Variants in HNRNPR observed in about 807,000 individuals in gnomAD.
HNRNPR encodes heterogeneous nuclear ribonucleoprotein R.
A neutral mutation model predicts 70.3 loss-of-function variants in HNRNPR; 4 were observed. The observed-to-expected ratio is 0.06, with a 90% CI of 0.03 to 0.13. The LOEUF is 0.13. Ranked by LOEUF, HNRNPR falls within the 10% of genes least tolerant of loss-of-function variation. HNRNPR has a pLI of 1.00. For missense variants in HNRNPR, 423 were observed against 788.5 expected, an observed-to-expected ratio of 0.54 and a Z score of 5.55; for synonymous variants, 241 against 267.6, an observed-to-expected ratio of 0.90 and a Z score of 0.97.
rs1210644137 is a variant in HNRNPR at position 23,308,138 on chromosome 1, T to C, written c.*2316A>G. 1 of 152,050 alleles carries C rather than the reference T, an allele frequency of 6.6e-6. No individual in the cohort carries two copies. Among genetic ancestry groups the C allele is most frequent in the Non-Finnish European group, 1.5e-5 (1 of 67,908 alleles). 9.4% of individuals were successfully genotyped at this position (152,050 alleles called of 1,614,324 possible). On this transcript the variant is annotated 3_prime_UTR_variant, in exon 11 of 11. Coordinates refer to ENST00000302271, the MANE Select transcript of HNRNPR (RefSeq NM_005826.5). ...CAATTTAAAATAGCCACAAAACCTATAAACCAAATATTAGAGGGTACCTCT... is the reference window on the plus strand; with the variant it reads ...CAATTTAAAATAGCCACAAAACCTACAAACCAAATATTAGAGGGTACCTCT...
At chr1:23,329,898 TA>T (rs548064686) in intron 5 of HNRNPR, among the ~76,000 whole-genome samples, 66 of 152,200 alleles carry the variant, frequency 4.3e-4, no homozygotes, top group Non-Finnish European at 3.8e-4. Context: ...CCTGAAATGC[TA>T]GGATTACAAG....
chr1:23,337,869 A>C lies in HNRNPR; in HGVS notation c.277-8T>G, dbSNP rs1357799201. On this transcript the variant is annotated splice_polypyrimidine_tract_variant and splice_region_variant and intron_variant, in intron 3 of 10. Coordinates refer to ENST00000302271, the MANE Select transcript of HNRNPR (RefSeq NM_005826.5). Reference sequence around the variant, plus strand: ...TAAAAATGCACTTTTGTTCTAGAACAGACAAGTAATTCAATAAAAAGAATC... The same window carrying C: ...TAAAAATGCACTTTTGTTCTAGAACCGACAAGTAATTCAATAAAAAGAATC... 1 of 1,520,020 alleles carries C rather than the reference A, an allele frequency of 6.6e-7. No individual in the cohort carries two copies. Among genetic ancestry groups the C allele is most frequent in the East Asian group, 2.3e-5 (1 of 44,232 alleles). 94.2% of individuals were successfully genotyped at this position (1,520,020 alleles called of 1,614,324 possible).
intron 5 of HNRNPR, among the ~76,000 whole-genome samples, chr1:23,329,388 T>C (rs1646127332): frequency 6.6e-6 from 1 of 152,238 alleles, no homozygotes; most frequent in African/African-American, 2.4e-5. Context: ...ATAGGAATAC[T>C]TTCCTTTTAT....
intron 8 of HNRNPR, among the ~76,000 whole-genome samples, chr1:23,317,454 T>C (rs1304726043): frequency 6.6e-6 from 1 of 151,202 alleles, no homozygotes; most frequent in Non-Finnish European, 1.5e-5. Flanking sequence ...AGACTCCATC[T>C]CAAAAAAAAA....
chr1:23,331,148 TACA>T (rs1275830503), intron 5 of HNRNPR, among the ~76,000 whole-genome samples: 1 of 152,200 alleles, frequency 6.6e-6, no homozygotes. Context: ...ATTTGCTGTA[TACA>T]ACAACATTTA....
intron 5 of HNRNPR, 53 bp downstream of exon 5, chr1:23,333,465 T>C (rs1646328086): frequency 1.8e-6 from 2 of 1,126,878 alleles, no homozygotes; most frequent in Non-Finnish European, 2.7e-6. Flanking sequence ...GCATAGTAGA[T>C]AAAACACTTT....
At chr1:23,313,480 A>C (rs1163726198) in intron 9 of HNRNPR, 73 bp downstream of exon 9, 2 of 992,206 alleles carry the variant, frequency 2.0e-6, no homozygotes, top group South Asian at 1.6e-5. Flanking sequence ...TTCAGTTTTT[A>C]AAGTTACTTT....
At chr1:23,322,009 G>C (rs1645778686) in intron 6 of HNRNPR, among the ~76,000 whole-genome samples, 1 of 152,096 alleles carries the variant, frequency 6.6e-6, no homozygotes, top group Non-Finnish European at 1.5e-5. Flanking sequence ...CCTTGGAAAT[G>C]TAATTGCATA....
intron 6 of HNRNPR, among the ~76,000 whole-genome samples, 189 bp from the exon 7 acceptor site, chr1:23,321,852 G>C (rs11803953): frequency 0.026 from 3,971 of 152,058 alleles, 188 homozygotes; most frequent in African/African-American, 0.09. Context: ...TTTTAGTTTG[G>C]TTTTGTTAAC....
chr1:23,311,123 G>A (rs774501034), intron 10 of HNRNPR, 57 bp from the exon 11 acceptor site: 8 of 1,607,942 alleles, frequency 5.0e-6, no homozygotes, highest in Non-Finnish European at 6.8e-6. Flanking sequence ...TCAAGACTCT[G>A]ATTTTGTTTT....
chr1:23,335,259 T>C (rs1316853668), intron 4 of HNRNPR, among the ~76,000 whole-genome samples: 1 of 152,232 alleles, frequency 6.6e-6, no homozygotes, highest in African/African-American at 2.4e-5. Context: ...TAAGAGACTT[T>C]AGATATCATC....
chr1:23,332,699 C>A (rs1646289302), intron 5 of HNRNPR, among the ~76,000 whole-genome samples: 1 of 117,850 alleles, frequency 8.5e-6, no homozygotes. Context: ...AAAATTCCAT[C>A]TCAAAAAAAA....
At chr1:23,321,254 G>A (rs1041831452) in intron 7 of HNRNPR, among the ~76,000 whole-genome samples, 10 of 151,606 alleles carry the variant, frequency 6.6e-5, no homozygotes, top group Non-Finnish European at 1.0e-4. Context: ...ATTGTCAAGG[G>A]GAAAAAAAGC....
intron 5 of HNRNPR, among the ~76,000 whole-genome samples, chr1:23,330,198 A>T (rs1031488467): frequency 1.3e-5 from 2 of 152,136 alleles, no homozygotes; most frequent in Non-Finnish European, 2.9e-5. Flanking sequence ...TATTATACAC[A>T]GTCATGACCT....
intron 4 of HNRNPR, among the ~76,000 whole-genome samples, chr1:23,335,620 T>G (rs368377117): frequency 1.3e-5 from 2 of 152,088 alleles, no homozygotes; most frequent in Admixed American, 1.3e-4. Flanking sequence ...GGGATCTAGG[T>G]TGCATGCTCC....
chr1:23,317,273 A>G (rs1239889416), intron 8 of HNRNPR, among the ~76,000 whole-genome samples: 1 of 151,802 alleles, frequency 6.6e-6, no homozygotes, highest in East Asian at 2.0e-4. Context: ...CCTGGCTAAC[A>G]TGGTGAAACC....
chr1:23,327,036 T>G (rs1434105806), intron 5 of HNRNPR, among the ~76,000 whole-genome samples: 1 of 152,208 alleles, frequency 6.6e-6, no homozygotes, highest in Non-Finnish European at 1.5e-5. Context: ...CGTCTACCTT[T>G]AGAAGAATAT....
At chr1:23,316,202 G>A (rs1645537710) in intron 8 of HNRNPR, among the ~76,000 whole-genome samples, 1 of 152,192 alleles carries the variant, frequency 6.6e-6, no homozygotes, top group Non-Finnish European at 1.5e-5. Context: ...GCACCCGGGA[G>A]GCTGAAGCAG....
At chr1:23,331,939 C>G (rs2148441426) in intron 5 of HNRNPR, among the ~76,000 whole-genome samples, 1 of 150,636 alleles carries the variant, frequency 6.6e-6, no homozygotes, top group African/African-American at 2.4e-5. Flanking sequence ...CATGACCCGC[C>G]TGGCCAACTT....
Sources: gnomAD v4.1 joint callset for allele counts (sites outside exome capture counted in the v4.1 genomes callset) on GRCh38, gnomAD v4.1.1 for gene constraint, MANE v1.5 for transcripts, NCBI Gene and HGNC (gene_info 2026-07-23, HGNC 2026-07-21) for gene names.